The following NUP160 variants were observed in gnomAD, a reference collection of about 807,000 sequenced individuals.
NUP160 encodes nucleoporin 160.
A neutral mutation model predicts 196.9 loss-of-function variants in NUP160; 94 were observed. That is an observed-to-expected ratio of 0.48 (90% CI 0.40 to 0.57). The LOEUF (loss-of-function observed/expected upper bound fraction) is 0.57. Ranked by LOEUF, NUP160 falls within the 20% of genes least tolerant of loss-of-function variation. The probability of loss-of-function intolerance (pLI) is 0.00; values close to 1 mark genes in which losing one functional copy is unlikely to be tolerated. For missense variants in NUP160, 1,638 were observed against 1,748.3 expected, an observed-to-expected ratio of 0.94 and a Z score of 1.13; for synonymous variants, 605 against 619.7, an observed-to-expected ratio of 0.98 and a Z score of 0.35.
exon 20 of NUP160, chr11:47,806,183 G>A (rs749642347): frequency 6.2e-7 from 1 of 1,614,128 alleles, no homozygotes; most frequent in Non-Finnish European, 8.5e-7. Flanking sequence ...GGTAATTGCA[G>A]TAATCATTTC....
exon 19 of NUP160, chr11:47,807,075 C>G (rs2097678162): frequency 6.2e-7 from 1 of 1,604,188 alleles, no homozygotes; most frequent in Non-Finnish European, 8.5e-7. Flanking sequence ...CTTACCAAAC[C>G]TATTTGCCAT....
chr11:47,840,594 GAA>G lies in NUP160; in HGVS notation c.315-8_315-7del, dbSNP rs759806959. The G allele has an allele frequency of 6.4e-7, 1 of 1,563,260 alleles. No homozygotes were observed. Among genetic ancestry groups the G allele is most frequent in the Admixed American group, 1.9e-5 (1 of 52,288 alleles). On this transcript the variant is annotated splice_polypyrimidine_tract_variant and splice_region_variant and intron_variant, in intron 2 of 35. Transcript: ENST00000378460. ...ATGTATCTCCAGAGGTCTTCCTGTT[GAA>G]AAAGAGACATTTGTTTGAAAAGTTT...
At chr11:47,808,655 G>T in intron 17 of NUP160, 126 bp from the exon 18 acceptor site, 1 of 644,308 alleles carries the variant, frequency 1.6e-6, no homozygotes, top group Non-Finnish European at 2.3e-6. Flanking sequence ...AAAGCAACAC[G>T]TTTTACATTT....
chr11:47,823,316 A>G (rs1205761552), intron 7 of NUP160, among the ~76,000 whole-genome samples: 55 of 152,192 alleles, frequency 3.6e-4, no homozygotes, highest in Non-Finnish European at 1.3e-4. Flanking sequence ...TTCACCTTGC[A>G]TAACTAAAAC....
chr11:47,781,411 C>T (rs1392669616), intron 34 of NUP160, among the ~76,000 whole-genome samples: 1 of 151,878 alleles, frequency 6.6e-6, no homozygotes, highest in Admixed American at 6.6e-5. Flanking sequence ...TATAGGCACG[C>T]ACCACCATGA....
At chr11:47,808,372 A>G in intron 18 of NUP160, 24 bp downstream of exon 18, 9 of 1,591,320 alleles carry the variant, frequency 5.7e-6, no homozygotes, top group Non-Finnish European at 7.7e-6. Flanking sequence ...TTACATTTTA[A>G]ATAATTGGGA....
At chr11:47,837,715 A>G in intron 4 of NUP160, 92 bp from the exon 5 acceptor site, 1 of 885,240 alleles carries the variant, frequency 1.1e-6, no homozygotes, top group South Asian at 1.4e-5. Flanking sequence ...TATAATAGGC[A>G]ACAGACTTCC....
rs779291240 is a variant in NUP160 at position 47,818,090 on chromosome 11, T to C, written c.1397A>G (p.Gln466Arg). ...CTTACATAAAGCTTCATTTGTGAAT[T>C]GTCCTGGTGTAAAAAGACTTTGCAG... Residue 466 changes from glutamine (Q) to arginine (R), a missense_variant, in exon 11 of 36, where the codon CAA becomes CGA. Around this residue, in one of 3 missense-constraint regions of NUP160, gnomAD observed 1,345 missense variants for 1,470.2 expected, o/e 0.91. Coordinates refer to ENST00000378460, the Ensembl canonical transcript of NUP160. 2 of 1,612,050 alleles carry C rather than the reference T, an allele frequency of 1.2e-6. No homozygotes were observed. Among genetic ancestry groups the C allele is most frequent in the Non-Finnish European group, 8.5e-7 (1 of 1,178,422 alleles).
At chr11:47,787,772 C>CA (rs755757664) in intron 31 of NUP160, among the ~76,000 whole-genome samples, 20 of 152,172 alleles carry the variant, frequency 1.3e-4, no homozygotes, top group South Asian at 1.2e-3. Flanking sequence ...GGCTGGAGTG[C>CA]AGTGGCGCGA....
At chr11:47,793,861 C>A (rs575527912) in intron 27 of NUP160, among the ~76,000 whole-genome samples, 1 of 150,418 alleles carries the variant, frequency 6.6e-6, no homozygotes, top group Admixed American at 6.7e-5. Flanking sequence ...CTGCCTCAGC[C>A]CCACAAGTAG....
At chr11:47,780,509 G>T in intron 34 of NUP160, 62 bp from the exon 35 acceptor site, 3 of 1,035,392 alleles carry the variant, frequency 2.9e-6, no homozygotes, top group Non-Finnish European at 4.5e-6. Context: ...CTGGGTAGTT[G>T]CTTTCATAGG....
In NUP160 at chr11:47,826,033, A is replaced by G. The variant is rs545280646; in HGVS notation, c.1102-3869T>C. On this transcript the variant is annotated intron_variant, in intron 7 of 35. Transcript: ENST00000378460. ...CATAGTGTATGAAATATGAAAAAAA[A>G]TATGTAGTGCTTATATCCATTGTAG... Among the ~76,000 whole-genome samples the G allele has an allele frequency of 2.0e-5, 3 of 152,348 alleles. No individual in the cohort carries two copies. The South Asian group carries it at 6.2e-4, about 32-fold the overall frequency.
At chr11:47,809,078 G>A (rs1291808492) in intron 17 of NUP160, among the ~76,000 whole-genome samples, 2 of 151,660 alleles carry the variant, frequency 1.3e-5, no homozygotes, top group Admixed American at 1.3e-4. Context: ...TCCAGCCTGG[G>A]TGACAGAGCA....
chr11:47,797,770 A>T lies in NUP160; in HGVS notation c.3289+9T>A, dbSNP rs140949934. Reference sequence around the variant, plus strand: ...TGTCTGCAAGATACTGTCTGGTTACATTGCTCACCCTTGCGGTAATTGTGG... The same window carrying T: ...TGTCTGCAAGATACTGTCTGGTTACTTTGCTCACCCTTGCGGTAATTGTGG... On this transcript the variant is annotated intron_variant, in intron 27 of 35. Coordinates refer to ENST00000378460, the Ensembl canonical transcript of NUP160. The T allele has an allele frequency of 6.3e-7, 1 of 1,590,336 alleles. No individual in the cohort carries two copies. The highest frequency in any genetic ancestry group is 1.3e-5 in the African/African-American group (1 of 74,334).
intron 19 of NUP160, chr11:47,806,620 C>T: frequency 3.6e-6 from 1 of 279,346 alleles, no homozygotes; most frequent in East Asian, 6.9e-5. Flanking sequence ...AGGATTTCAA[C>T]TTTTATACCA....
At chr11:47,788,138 T>C (rs2097665736) in intron 31 of NUP160, 44 bp downstream of exon 31, 1 of 1,518,934 alleles carries the variant, frequency 6.6e-7, no homozygotes, top group East Asian at 2.3e-5. Context: ...GAGGATAATA[T>C]ATTTGCATTA....
Position 47,796,223 on chromosome 11 carries a change from GA to G in NUP160, c.3289+1555del. On this transcript the variant is annotated intron_variant, in intron 27 of 35. Coordinates refer to ENST00000378460, the Ensembl canonical transcript of NUP160. ...CCAGGAAGGTGAGATCTTCCACACA[GA>G]AAAAGAGAAATACGAGATTACAGAG... 1.1e-5 allele frequency: 5 copies of G among 470,412 alleles called. No homozygotes were observed. The South Asian group carries it at 1.3e-4, about 12-fold the overall frequency. The allele number at this position is 470,412 out of a possible 1,614,324, so 29.1% of individuals were successfully genotyped here.
chr11:47,790,407 C>T (rs1425863414), intron 29 of NUP160, among the ~76,000 whole-genome samples: 2 of 151,456 alleles, frequency 1.3e-5, no homozygotes, highest in East Asian at 1.9e-4. Flanking sequence ...TTACAGCCAC[C>T]CGCCACCACA....
chr11:47,791,973 T>C (rs1430761011), exon 29 of NUP160: 45 of 1,611,684 alleles, frequency 2.8e-5, no homozygotes, highest in Non-Finnish European at 3.8e-5. Flanking sequence ...TCTTAGGGGA[T>C]GCTCCAGGGC....
Sources: gnomAD v4.1 joint callset for allele counts (sites outside exome capture counted in the v4.1 genomes callset) on GRCh38, gnomAD v4.1.1 for gene constraint, gnomAD v4.1.1 regional missense constraint, MANE v1.5 for transcripts, NCBI Gene and HGNC (gene_info 2026-07-23, HGNC 2026-07-21) for gene names.